ESRRG: variants seen among roughly 807,000 people sequenced by gnomAD.
The protein encoded by ESRRG is estrogen-related receptor gamma.
A neutral mutation model predicts 44.0 loss-of-function variants in ESRRG; 13 were observed. That is an observed-to-expected ratio of 0.30 (90% confidence interval 0.19 to 0.47). ESRRG has a LOEUF of 0.47. Among genes scored for constraint, ESRRG ranks in the 20% least tolerant of loss-of-function variants. The pLI, the probability that ESRRG is intolerant of heterozygous loss-of-function variation, is 1.00. For synonymous variants in ESRRG, 215 were observed against 214.6 expected (o/e 1.00, Z -0.02); for missense variants, 395 against 580.6 (o/e 0.68, Z 3.29).
intron 1 of ESRRG, among the ~76,000 whole-genome samples, chr1:216,968,733 A>G (rs2150260223): frequency 6.6e-6 from 1 of 150,656 alleles, no homozygotes; most frequent in South Asian, 2.1e-4. Flanking sequence ...AAATTTAAGA[A>G]TCCATGGGTT....
In ESRRG at chr1:216,589,251, A is replaced by G. The variant is rs181988073; in HGVS notation, c.590-21153T>C. Among the ~76,000 whole-genome samples, 864 of 152,328 alleles carry G rather than the reference A, an allele frequency of 5.7e-3. 7 individuals are homozygous for G. Among genetic ancestry groups the G allele is most frequent in the Middle Eastern group, 0.017 (5 of 294 alleles). On this transcript the variant is annotated intron_variant, in intron 3 of 6. Transcript: ENST00000408911. ...GCAGATTTGCTTTGCAGGACGTAGAACAAGCTTATCCGACCCACAAGTGGG... is the reference window on the plus strand; with the variant it reads ...GCAGATTTGCTTTGCAGGACGTAGAGCAAGCTTATCCGACCCACAAGTGGG...
intron 1 of ESRRG, among the ~76,000 whole-genome samples, chr1:216,970,278 C>A (rs1257772887): frequency 6.6e-6 from 1 of 152,130 alleles, no homozygotes; most frequent in South Asian, 2.1e-4. Context: ...AATGATAAAC[C>A]AATTTGAATT....
intron 2 of ESRRG, among the ~76,000 whole-genome samples, chr1:216,669,656 T>G (rs1345115576): frequency 2.0e-5 from 3 of 152,174 alleles, no homozygotes; most frequent in Non-Finnish European, 1.5e-5. Flanking sequence ...GAGGCCAAGG[T>G]GGGCAGATCA....
rs188426239 is a variant in ESRRG, at chr1:216,704,241, C to T, written c.56+19003G>A. ...AACATCTAGTAAATTCGGCTGGGCGCGGTGGCTCACGCTTGTAATCCCAAC... is the reference window on the plus strand; with the variant it reads ...AACATCTAGTAAATTCGGCTGGGCGTGGTGGCTCACGCTTGTAATCCCAAC... On this transcript the variant is annotated intron_variant, in intron 1 of 6. Transcript: ENST00000408911. Among the ~76,000 whole-genome samples, 707 of 152,194 alleles carry T rather than the reference C, an allele frequency of 4.6e-3. 3 individuals are homozygous for T. Among genetic ancestry groups the T allele is most frequent in the Non-Finnish European group, 5.8e-3 (396 of 68,006 alleles).
intron 1 of ESRRG, among the ~76,000 whole-genome samples, chr1:217,004,783 T>G (rs1433195981): frequency 6.6e-6 from 1 of 152,198 alleles, no homozygotes; most frequent in Non-Finnish European, 1.5e-5. Flanking sequence ...ACACATTATA[T>G]ATATAGTGCC....
intron 2 of ESRRG, among the ~76,000 whole-genome samples, chr1:216,671,610 G>C (rs570971589): frequency 6.6e-6 from 1 of 152,172 alleles, no homozygotes; most frequent in Non-Finnish European, 1.5e-5. Flanking sequence ...GGGAAACAGA[G>C]GAAAAGAGGG....
chr1:216,748,069 T>C (rs993714551), intron 2 of ESRRG, among the ~76,000 whole-genome samples: 1 of 152,194 alleles, frequency 6.6e-6, no homozygotes, highest in African/African-American at 2.4e-5. Context: ...TAGGACTATA[T>C]TGGGATGTAA....
intron 5 of ESRRG, among the ~76,000 whole-genome samples, chr1:216,559,730 A>G (rs906120864): frequency 2.0e-5 from 3 of 152,206 alleles, no homozygotes; most frequent in African/African-American, 7.2e-5. Context: ...TATTTTATCC[A>G]CCAGTACCCA....
At chr1:216,892,617 T>C (rs749208462) in intron 2 of ESRRG, among the ~76,000 whole-genome samples, 1 of 152,170 alleles carries the variant, frequency 6.6e-6, no homozygotes, top group Non-Finnish European at 1.5e-5. Context: ...GCTGAGTCTG[T>C]AGGATTTGTT....
At chr1:216,868,833 T>C (rs887843006) in intron 2 of ESRRG, among the ~76,000 whole-genome samples, 1 of 152,232 alleles carries the variant, frequency 6.6e-6, no homozygotes, top group Non-Finnish European at 1.5e-5. Flanking sequence ...TTGAACGTCC[T>C]TTCATGTGTT....
intron 2 of ESRRG, among the ~76,000 whole-genome samples, chr1:216,845,849 C>T (rs1241944566): frequency 3.3e-5 from 5 of 152,078 alleles, no homozygotes; most frequent in African/African-American, 1.2e-4. Flanking sequence ...GAACAGGACC[C>T]CACTTTCCTG....
At chr1:217,124,137 T>C (rs746770117) in intron 1 of ESRRG, among the ~76,000 whole-genome samples, 16 of 152,204 alleles carry the variant, frequency 1.1e-4, no homozygotes, top group Non-Finnish European at 1.8e-4. Context: ...GTAAGCTCCC[T>C]GAAGGCAGCA....
At chr1:217,057,960 C>A (rs542500459) in intron 1 of ESRRG, among the ~76,000 whole-genome samples, 1 of 152,026 alleles carries the variant, frequency 6.6e-6, no homozygotes, top group African/African-American at 2.4e-5. Flanking sequence ...TAATAATGAA[C>A]ATAGGCAAAG....
At chr1:216,725,932 C>T (rs1291188967), upstream of ESRRG, among the ~76,000 whole-genome samples, 4 of 152,034 alleles carry the variant, frequency 2.6e-5, no homozygotes, top group Non-Finnish European at 4.4e-5. Context: ...GTGTATTTAC[C>T]GGTGGATCTC....
intron 3 of ESRRG, among the ~76,000 whole-genome samples, chr1:216,574,585 A>G (rs773632958): frequency 2.2e-4 from 34 of 152,318 alleles, no homozygotes; most frequent in Non-Finnish European, 4.4e-4. Context: ...ACTCTAGCCT[A>G]CTTTCCCAAT....
At chr1:216,805,147 A>C (rs546832644) in intron 2 of ESRRG, 1 of 152,280 alleles carries the variant, frequency 6.6e-6, no homozygotes, top group African/African-American at 2.4e-5. Flanking sequence ...GTTGTTTGAG[A>C]CTTTTGTCTC....
At chr1:217,102,268 TC>T (rs1200759017) in intron 1 of ESRRG, among the ~76,000 whole-genome samples, 2 of 152,322 alleles carry the variant, frequency 1.3e-5, no homozygotes, top group African/African-American at 4.8e-5. Flanking sequence ...TTGCTGGGGT[TC>T]AATCAGCAAG....
At chr1:216,994,590 CT>C (rs895310120) in intron 1 of ESRRG, among the ~76,000 whole-genome samples, 2 of 151,372 alleles carry the variant, frequency 1.3e-5, no homozygotes, top group African/African-American at 2.4e-5. Flanking sequence ...TCGACAACTT[CT>C]TTTTTTTTCT....
chr1:216,759,322 C>CTGGGTAG (rs2092639671), intron 2 of ESRRG, among the ~76,000 whole-genome samples: 1 of 152,062 alleles, frequency 6.6e-6, no homozygotes, highest in Non-Finnish European at 1.5e-5. Context: ...GCCACCATAG[C>CTGGGTAG]TTAACGGAGG....
Sources: allele counts gnomAD v4.1 joint callset (sites outside exome capture counted in the v4.1 genomes callset), GRCh38; gene constraint gnomAD v4.1.1; transcripts MANE v1.5; gene names NCBI Gene and HGNC (gene_info 2026-07-23, HGNC 2026-07-21).